Variants in NPR1 observed in about 807,000 individuals in gnomAD.
NPR1 encodes natriuretic peptide receptor 1.
NPR1 carries 57 observed loss-of-function variants against 116.9 expected under a neutral mutation model. That is an observed-to-expected ratio of 0.49 (90% CI 0.39 to 0.61). The LOEUF (loss-of-function observed/expected upper bound fraction) is 0.61, where lower values mean the gene tolerates loss of function less well. NPR1 is among the 20% of genes least tolerant of loss of function. The probability of loss-of-function intolerance (pLI) is 0.00; values close to 1 mark genes in which losing one functional copy is unlikely to be tolerated. For synonymous variants in NPR1, 555 were observed against 601.6 expected, an observed-to-expected ratio of 0.92 and a Z score of 1.13; for missense variants, 1,096 against 1,409.8, an observed-to-expected ratio of 0.78 and a Z score of 3.56.
Position 153,678,907 on chromosome 1 carries a change from G to T in NPR1, c.-202G>T, listed in dbSNP as rs903747973. ...CCACCTGCTCCGCGGCGCCCTGCGC[G>T]CCCCCCTCGGTCGCGCCCCTTGCGC... On this transcript the variant is annotated 5_prime_UTR_variant, in exon 1 of 22. Transcript: ENST00000368680. This position sits in a 1 kb window ranked among gnomAD's most constrained non-coding sequence, Gnocchi z 5.8. The T allele has an allele frequency of 3.2e-6, 2 of 627,376 alleles. No individual in the cohort carries two copies. Among genetic ancestry groups the T allele is most frequent in the Non-Finnish European group, 4.9e-6 (2 of 408,738 alleles). The allele number at this position is 627,376 out of a possible 1,614,324, so 38.9% of individuals were successfully genotyped here.
chr1:153,693,000 TACCTGTCC>T, intron 20 of NPR1, 98 bp from the exon 21 acceptor site: 1 of 890,850 alleles, frequency 1.1e-6, no homozygotes, highest in African/African-American at 1.7e-5. Flanking sequence ...GGAGAGAGGG[TACCTGTCC>T]ACCTGTCCAC....
At chr1:153,684,940 T>G (rs1669884279) in intron 7 of NPR1, 24 bp from the exon 8 acceptor site, 1 of 1,613,210 alleles carries the variant, frequency 6.2e-7, no homozygotes, top group African/African-American at 1.3e-5. Flanking sequence ...AGCCACAGGC[T>G]CAGATGCAGC....
Position 153,690,762 on chromosome 1 carries a change from T to C in NPR1, c.3031+380T>C, listed in dbSNP as rs141589986. Among the ~76,000 whole-genome samples the C allele has an allele frequency of 2.0e-5, 3 of 151,714 alleles. No individual in the cohort carries two copies. In the East Asian group the frequency reaches 5.8e-4, roughly 29 times the overall value. On this transcript the variant is annotated intron_variant, in intron 20 of 21. Coordinates refer to ENST00000368680, the MANE Select transcript of NPR1 (RefSeq NM_000906.4). ...TTCGAGACCAGCCTGACCAACATGA[T>C]GAAATCCCGTCTCTACTAAAAATAC...
chr1:153,680,526 T>C lies in NPR1; in HGVS notation c.747T>C (p.Asp249=), dbSNP rs1209365460. The change falls in exon 2 of 22, where the codon GAT becomes GAC. Residue 249 remains aspartate, a synonymous_variant. Coordinates refer to ENST00000368680, the MANE Select transcript of NPR1 (RefSeq NM_000906.4). ...TTATCTACATCTGCAGCTCCCCTGA[T>C]GCCTTCAGAACCCTCATGCTCCTGG... ...GRVIYICSSP[D]AFRTLMLLAL... is the part of the protein sequence containing the mutation. 6.2e-7 allele frequency: 1 copy of C among 1,614,158 alleles called. No homozygotes were observed. The highest frequency in any genetic ancestry group is 2.2e-5 in the East Asian group (1 of 44,872).
rs371016959 is a variant in NPR1 at position 153,679,328 on chromosome 1, C to T, written c.220C>T (p.Pro74Ser). ...AQVKARPDLL[P>S]GWTVRTVLGS... The stretch of plus-strand genomic sequence containing the variant: ...GGTGAAGGCGCGCCCCGACTTGCTG[C>T]CGGGCTGGACGGTCCGCACGGTGCT... The change falls in exon 1 of 22, where the codon CCG becomes TCG. Residue 74 changes from proline to serine, a missense_variant. Transcript: ENST00000368680. This position sits in a 1 kb window ranked among gnomAD's most constrained non-coding sequence, Gnocchi z 4.2. 2.7e-5 allele frequency: 41 copies of T among 1,534,512 alleles called. No individual in the cohort carries two copies. In the East Asian group the frequency reaches 7.2e-4, roughly 27 times the overall value.
At chr1:153,688,900 G>A (rs997397919) in intron 15 of NPR1, 53 bp from the exon 16 acceptor site, 28 of 1,506,018 alleles carry the variant, frequency 1.9e-5, no homozygotes, top group Middle Eastern at 3.4e-4. Flanking sequence ...GGCGCTCACG[G>A]TAGGCTGTGC....
intron 20 of NPR1, among the ~76,000 whole-genome samples, chr1:153,691,337 G>C (rs537950028): frequency 1.3e-5 from 2 of 152,280 alleles, no homozygotes; most frequent in South Asian, 4.1e-4. Context: ...TCCTTCTGCT[G>C]TATTCGACAC....
intron 11 of NPR1, 57 bp from the exon 12 acceptor site, chr1:153,686,959 C>T: frequency 1.3e-6 from 2 of 1,580,058 alleles, no homozygotes; most frequent in East Asian, 2.2e-5. Context: ...CCTGCACCCT[C>T]CTCCAACTCC....
At chr1:153,688,671 A>G (rs1381034839) in intron 15 of NPR1, 1 of 496,926 alleles carries the variant, frequency 2.0e-6, no homozygotes, top group Non-Finnish European at 3.6e-6. Flanking sequence ...GACCCTTGTC[A>G]TTCTCCACCT....
intron 20 of NPR1, 35 bp from the exon 21 acceptor site, chr1:153,693,071 A>G (rs1359534656): frequency 5.8e-6 from 9 of 1,548,126 alleles, no homozygotes; most frequent in Non-Finnish European, 8.0e-6. Flanking sequence ...CCTCTCTCAC[A>G]TTGCTCACCT....
intron 8 of NPR1, among the ~76,000 whole-genome samples, chr1:153,685,400 A>T (rs112666727): frequency 0.03 from 4,622 of 152,208 alleles, 221 homozygotes; most frequent in African/African-American, 0.1. Flanking sequence ...ACAGTGGCTC[A>T]CATCTGCAAT....
At chr1:153,683,915 G>A in intron 7 of NPR1, 91 bp downstream of exon 7, 1 of 1,113,428 alleles carries the variant, frequency 9.0e-7, no homozygotes, top group Non-Finnish European at 1.4e-6. Flanking sequence ...GAAGAGGGCA[G>A]GGGTGAAGGG....
chr1:153,681,240 C>A lies in NPR1; in HGVS notation c.982C>A (p.Gln328Lys). The A allele has an allele frequency of 6.2e-7, 1 of 1,613,780 alleles. No homozygotes were observed. The highest frequency in any genetic ancestry group is 8.5e-7 in the Non-Finnish European group (1 of 1,179,772). The change falls in exon 3 of 22, where the codon CAG becomes AAG. Residue 328 changes from glutamine to lysine, a missense_variant. By Grantham distance (53) the Gln-to-Lys change is moderately conservative (BLOSUM62 1). Coordinates refer to ENST00000368680, the MANE Select transcript of NPR1 (RefSeq NM_000906.4). ...TCCCGAGTACTTGGAATTCCTGAAG[C>A]AGTTAAAACACCTGGCCTATGAGCA... Reference protein sequence around the residue: ...DNPEYLEFLKQLKHLAYEQFN... With the variant: ...DNPEYLEFLKKLKHLAYEQFN...
chr1:153,688,000 C>T, intron 14 of NPR1, 53 bp from the exon 15 acceptor site: 4 of 1,339,940 alleles, frequency 3.0e-6, no homozygotes, highest in Non-Finnish European at 4.2e-6. Context: ...CCCAGTCTCT[C>T]ACTAGGCCCT....
In NPR1 at chr1:153,693,247, G is replaced by A. The variant is rs148997573; in HGVS notation, c.3123+50G>A. 8.5e-4 allele frequency: 1,360 copies of A among 1,603,100 alleles called. 10 individuals are homozygous for A. In the African/African-American group the frequency reaches 0.016, roughly 19 times the overall value. ...CCCACCTTTTGGGGTCCTAGAGGGA[G>A]TTACCCTTCTCAAGCAGCCAATGCC... On this transcript the variant is annotated intron_variant, in intron 21 of 21. Coordinates refer to ENST00000368680, the MANE Select transcript of NPR1 (RefSeq NM_000906.4).
At chr1:153,682,688 G>A in intron 5 of NPR1, 99 bp downstream of exon 5, 5 of 880,638 alleles carry the variant, frequency 5.7e-6, no homozygotes, top group Non-Finnish European at 9.3e-6. Flanking sequence ...TTATCCTGTA[G>A]CCATTCCACC....
Position 153,678,941 on chromosome 1 carries a change from C to A in NPR1, c.-168C>A. The A allele has an allele frequency of 1.1e-6, 1 of 943,296 alleles. No individual in the cohort carries two copies. Among genetic ancestry groups the A allele is most frequent in the Non-Finnish European group, 1.4e-6 (1 of 689,922 alleles). The allele number at this position is 943,296 out of a possible 1,614,324, so 58.4% of individuals were successfully genotyped here. A position where few individuals can be genotyped will look rare whatever the true frequency, so the allele number is the denominator to read the frequency against. On this transcript the variant is annotated 5_prime_UTR_variant, in exon 1 of 22. Coordinates refer to ENST00000368680, the MANE Select transcript of NPR1 (RefSeq NM_000906.4). This position sits in a 1 kb window ranked among gnomAD's most constrained non-coding sequence, Gnocchi z 5.8. ...GGTCGCGCCCCTTGCGCTCTCGGCC[C>A]AGACCGTCGCAGCTACAGGGGGCCT...
rs1235199662 is a variant in NPR1, at chr1:153,693,689, C to G, written c.*275C>G. The stretch of plus-strand genomic sequence containing the variant: ...CACCTGCTCTCCACCTGGACTCAGG[C>G]CGGGCTGGGCTGTGGATTCCTGATC... On this transcript the variant is annotated 3_prime_UTR_variant, in exon 22 of 22. Transcript: ENST00000368680. 4.8e-6 allele frequency: 2 copies of G among 417,536 alleles called. No homozygotes were observed. The highest frequency in any genetic ancestry group is 4.3e-5 in the Admixed American group (1 of 23,036). 25.9% of individuals were successfully genotyped at this position (417,536 alleles called of 1,614,324 possible).
intron 20 of NPR1, among the ~76,000 whole-genome samples, chr1:153,691,739 A>G (rs992580804): frequency 2.0e-5 from 3 of 152,074 alleles, no homozygotes; most frequent in African/African-American, 7.2e-5. Context: ...CTCTACTAAA[A>G]ATACAAAAAA....
Sources: allele counts gnomAD v4.1 joint callset (sites outside exome capture counted in the v4.1 genomes callset), GRCh38; gene constraint gnomAD v4.1.1; non-coding constraint Gnocchi (gnomAD v3.1); transcripts MANE v1.5; gene names NCBI Gene and HGNC (gene_info 2026-07-23, HGNC 2026-07-21).